Variants in IRS2 observed in about 807,000 individuals in gnomAD.
IRS2 encodes insulin receptor substrate 2.
A neutral mutation model predicts 70.9 loss-of-function variants in IRS2; 28 were observed. The observed-to-expected ratio is 0.39, with a 90% CI of 0.29 to 0.54. IRS2 has a LOEUF of 0.54. IRS2 is among the 20% of genes least tolerant of loss of function. The probability of loss-of-function intolerance (pLI) is 0.59; values close to 1 mark genes in which losing one functional copy is unlikely to be tolerated. For missense variants in IRS2, 2,081 were observed against 2,024.1 expected (o/e 1.03, Z -0.54); for synonymous variants, 1,217 against 981.9 (o/e 1.24, Z -4.48).
intron 1 of IRS2, among the ~76,000 whole-genome samples, chr13:109,764,963 T>C (rs570659940): frequency 8.5e-5 from 13 of 152,232 alleles, no homozygotes; most frequent in Non-Finnish European, 1.6e-4. Flanking sequence ...CCTAGCTGCT[T>C]TCTTCATGTC....
At chr13:109,761,604 G>A (rs1877228952) in intron 1 of IRS2, among the ~76,000 whole-genome samples, 3 of 150,340 alleles carry the variant, frequency 2.0e-5, no homozygotes, top group South Asian at 2.1e-4. Flanking sequence ...AAAAAAAAAG[G>A]TAAGGTTGGG....
In IRS2 at chr13:109,783,404, G is replaced by C. The variant is rs1264478078; in HGVS notation, c.2650C>G (p.Arg884Gly). Residue 884 changes from arginine (R) to glycine (G), a missense_variant, in exon 1 of 2, where the codon CGC becomes GGC. This residue lies in a region of IRS2 where 1,615 missense variants were observed against 1,459.5 expected (regional missense o/e 1.11). Transcript: ENST00000375856. ...CGCGTGGGCCTCACCGCCCGGCCGCGCTGGCCCAAGAAGCCCTCCGGGCGG... is the reference window on the plus strand; with the variant it reads ...CGCGTGGGCCTCACCGCCCGGCCGCCCTGGCCCAAGAAGCCCTCCGGGCGG... ...GGRPEGFLGQ[R>G]GRAVRPTRLS... 6.7e-7 allele frequency: 1 copy of C among 1,482,978 alleles called. No homozygotes were observed. Among genetic ancestry groups the C allele is most frequent in the Admixed American group, 2.5e-5 (1 of 40,062 alleles). 91.9% of individuals were successfully genotyped at this position (1,482,978 alleles called of 1,614,324 possible).
At position 109,754,468 on chromosome 13, in the gene IRS2, A is replaced by G. The variant is rs1877060542; in HGVS notation, c.*1836T>C. 4.9e-6 allele frequency: 1 copy of G among 204,724 alleles called. No homozygotes were observed. Among genetic ancestry groups the G allele is most frequent in the African/African-American group, 2.3e-5 (1 of 43,710 alleles). 12.7% of individuals were successfully genotyped at this position (204,724 alleles called of 1,614,324 possible). On this transcript the variant is annotated 3_prime_UTR_variant, in exon 2 of 2. Transcript: ENST00000375856. ...CCTATCGTACCTGGGGGGAGTTACA[A>G]AGCAAATACCACCCATTGATGCCTA...
Position 109,782,852 on chromosome 13 carries a change from C to T in IRS2, c.3202G>A (p.Asp1068Asn), listed in dbSNP as rs201255644. The T allele has an allele frequency of 1.3e-3, 2,003 of 1,581,296 alleles. 5 individuals carry two copies. The highest frequency in any genetic ancestry group is 2.8e-3 in the Middle Eastern group (17 of 6,002). ...AASSLSSDTG[D>N]NGDYTEMAFG... ...GCCATCTCGGTGTAGTCACCATTGT[C>T]CCCGGTGTCCGAGGACAACGATGAG... is the stretch of plus-strand genomic sequence containing the variant. Residue 1068 changes from aspartate (D) to asparagine (N), a missense_variant, in exon 1 of 2, where the codon GAC becomes AAC. Physicochemically the swap from Asp to Asn is conservative, Grantham distance 23 (BLOSUM62 1). This residue lies in a region of IRS2 where 1,615 missense variants were observed against 1,459.5 expected (regional missense o/e 1.11). Coordinates refer to ENST00000375856, the MANE Select transcript of IRS2 (RefSeq NM_003749.3).
chr13:109,784,776 T>C lies in IRS2; in HGVS notation c.1278A>G (p.Gln426=). Residue 426 remains glutamine (Q), a synonymous_variant, in exon 1 of 2, where the codon CAA becomes CAG. Coordinates refer to ENST00000375856, the MANE Select transcript of IRS2 (RefSeq NM_003749.3). This position sits in a 1 kb window ranked among gnomAD's most constrained non-coding sequence, Gnocchi z 5.2. ...CGGGCATGGACATGGAGCGGCTGTG[T>C]TGCAGCGCGCCCCCTGCCGGCAGCA... ...VALLPAGGAL[Q]HSRSMSMPVA... The C allele has an allele frequency of 8.0e-7, 1 of 1,257,090 alleles. No individual in the cohort carries two copies. The highest frequency in any genetic ancestry group is 1.0e-6 in the Non-Finnish European group (1 of 1,000,872). 77.9% of individuals were successfully genotyped at this position (1,257,090 alleles called of 1,614,324 possible). A position where few individuals can be genotyped will look rare whatever the true frequency, so the allele number is the denominator to read the frequency against.
In IRS2 at chr13:109,784,571, G is replaced by A; in HGVS notation, c.1483C>T (p.Pro495Ser). Reference sequence around the variant, plus strand: ...TACTCGTCCAGGGACATGAAGCCGGGGTCGCTGGGGGAGCCCGAGGCGGAG... The same window carrying A: ...TACTCGTCCAGGGACATGAAGCCGGAGTCGCTGGGGGAGCCCGAGGCGGAG... ...SASASGSPSDPGFMSLDEYGS... is the reference protein window; with the variant it reads ...SASASGSPSDSGFMSLDEYGS... The change falls in exon 1 of 2, where the codon CCC (proline) becomes TCC (serine). Residue 495 changes from proline (P) to serine (S), a missense_variant. Pro to Ser is a moderately conservative substitution (Grantham distance 74, BLOSUM62 -1). Around this residue, in one of 4 missense-constraint regions of IRS2, gnomAD observed 1,615 missense variants for 1,459.5 expected, o/e 1.11. Coordinates refer to ENST00000375856, the MANE Select transcript of IRS2 (RefSeq NM_003749.3). The surrounding 1 kb of genome is among the most constrained non-coding windows in gnomAD (Gnocchi z 5.2). 7.2e-7 allele frequency: 1 copy of A among 1,396,932 alleles called. No individual in the cohort carries two copies. The highest frequency in any genetic ancestry group is 9.2e-7 in the Non-Finnish European group (1 of 1,081,124). 86.5% of individuals were successfully genotyped at this position (1,396,932 alleles called of 1,614,324 possible).
In IRS2 at chr13:109,784,001, C is replaced by T. The variant is rs1373634609; in HGVS notation, c.2053G>A (p.Ala685Thr). ...CTGGGCTGCAAGATCTGCTTGGGGG[C>T]GGACACGCTGGCGGGGCTCATGGGC... ...YMPMSPASVS[A>T]PKQILQPRAA... The change falls in exon 1 of 2, where the codon GCC (alanine) becomes ACC (threonine). Residue 685 changes from alanine to threonine, a missense_variant. Physicochemically the swap from Ala to Thr is moderately conservative, Grantham distance 58. This residue lies in a region of IRS2 where 1,615 missense variants were observed against 1,459.5 expected (regional missense o/e 1.11). Coordinates refer to ENST00000375856, the MANE Select transcript of IRS2 (RefSeq NM_003749.3). The surrounding 1 kb of genome is among the most constrained non-coding windows in gnomAD (Gnocchi z 5.2). 2 of 1,533,474 alleles carry T rather than the reference C, an allele frequency of 1.3e-6. No individual in the cohort carries two copies. The highest frequency in any genetic ancestry group is 8.7e-7 in the Non-Finnish European group (1 of 1,144,502). The allele number at this position is 1,533,474 out of a possible 1,614,324, so 95.0% of individuals were successfully genotyped here.
In IRS2 at chr13:109,783,042, G is replaced by A. The variant is rs777732159; in HGVS notation, c.3012C>T (p.Gly1004=). Residue 1004 remains glycine, a synonymous_variant, in exon 1 of 2, where the codon GGC becomes GGT. Coordinates refer to ENST00000375856, the MANE Select transcript of IRS2 (RefSeq NM_003749.3). The stretch of plus-strand genomic sequence containing the variant: ...GGGAGGAGGCCTCGGGGGACAGGAG[G>A]CCGTCCAAGGAGCCCACGGGGTGGC... The part of the protein sequence containing the change: ...PSGHPVGSLD[G]LLSPEASSPY... 1.5e-6 allele frequency: 2 copies of A among 1,368,154 alleles called. No homozygotes were observed. The highest frequency in any genetic ancestry group is 9.4e-7 in the Non-Finnish European group (1 of 1,066,190). 84.8% of individuals were successfully genotyped at this position (1,368,154 alleles called of 1,614,324 possible). A position where few individuals can be genotyped will look rare whatever the true frequency, so the allele number is the denominator to read the frequency against.
At chr13:109,776,687 C>G (rs1877586374) in intron 1 of IRS2, among the ~76,000 whole-genome samples, 1 of 152,226 alleles carries the variant, frequency 6.6e-6, no homozygotes, top group Non-Finnish European at 1.5e-5. Context: ...ATGTAAGTCT[C>G]TGTAGCTATC....
intron 1 of IRS2, among the ~76,000 whole-genome samples, chr13:109,762,614 A>G (rs1436207619): frequency 6.6e-6 from 1 of 152,176 alleles, no homozygotes; most frequent in East Asian, 1.9e-4. Flanking sequence ...GCATGCTAGC[A>G]TGTCACAAGA....
At chr13:109,774,268 T>C (rs1877522112) in intron 1 of IRS2, among the ~76,000 whole-genome samples, 1 of 152,226 alleles carries the variant, frequency 6.6e-6, no homozygotes, top group Non-Finnish European at 1.5e-5. Context: ...CCAGGAAGCA[T>C]GACTGGAGTC....
intron 1 of IRS2, among the ~76,000 whole-genome samples, chr13:109,767,131 C>G (rs1877352855): frequency 1.3e-5 from 2 of 152,142 alleles, no homozygotes; most frequent in African/African-American, 4.8e-5. Context: ...CCCAACTTCT[C>G]CTGGAGGGTC....
intron 1 of IRS2, among the ~76,000 whole-genome samples, chr13:109,781,800 C>CA (rs1340999574): frequency 2.0e-5 from 3 of 151,946 alleles, no homozygotes; most frequent in East Asian, 1.9e-4. Flanking sequence ...GGTGGGGCCT[C>CA]AAAAAATCAG....
chr13:109,780,235 T>C (rs1004845138), intron 1 of IRS2, among the ~76,000 whole-genome samples: 1 of 152,252 alleles, frequency 6.6e-6, no homozygotes, highest in East Asian at 1.9e-4. Flanking sequence ...TACCCATTTG[T>C]GCAGACCATA....
rs531202775 is a variant in IRS2, at chr13:109,782,674, G to A, written c.3380C>T (p.Pro1127Leu). 17 of 1,573,494 alleles carry A rather than the reference G, an allele frequency of 1.1e-5. No homozygotes were observed. The highest frequency in any genetic ancestry group is 1.3e-5 in the African/African-American group (1 of 74,218). Residue 1127 changes from proline (P) to leucine (L), a missense_variant, in exon 1 of 2, where the codon CCG becomes CTG. This residue lies in a region of IRS2 where 1,615 missense variants were observed against 1,459.5 expected (regional missense o/e 1.11). Transcript: ENST00000375856. Reference sequence around the variant, plus strand: ...GACCTTGGCGCCGCGGTGGGGGTCCGGGGGCTGGCTGGCCTGCAGGAAGGC... The same window carrying A: ...GACCTTGGCGCCGCGGTGGGGGTCCAGGGGCTGGCTGGCCTGCAGGAAGGC... ...VEAFLQASQP[P>L]DPHRGAKVIR...
intron 1 of IRS2, among the ~76,000 whole-genome samples, chr13:109,775,799 C>CACACACACACA (rs1438631876): frequency 1.3e-5 from 2 of 148,786 alleles, no homozygotes; most frequent in South Asian, 2.1e-4. Flanking sequence ...CACACACACA[C>CACACACACACA]CAGCCCCAAA....
At chr13:109,761,532 T>C (rs1336378958) in intron 1 of IRS2, among the ~76,000 whole-genome samples, 1 of 136,060 alleles carries the variant, frequency 7.3e-6, no homozygotes, top group Non-Finnish European at 1.6e-5. Flanking sequence ...CTGAGAAAAA[T>C]AAACCCGATA....
intron 1 of IRS2, among the ~76,000 whole-genome samples, chr13:109,765,165 G>A (rs530426913): frequency 6.6e-6 from 1 of 152,236 alleles, no homozygotes; most frequent in African/African-American, 2.4e-5. Flanking sequence ...TATACAAAAA[G>A]GTGCCCTAAA....
In IRS2 at chr13:109,785,560, G is replaced by T; in HGVS notation, c.494C>A (p.Ala165Asp). Residue 165 changes from alanine to aspartate, a missense_variant, in exon 1 of 2, where the codon GCC becomes GAC. Ala to Asp is a moderately radical substitution (Grantham distance 126). Around this residue, in one of 4 missense-constraint regions of IRS2, gnomAD observed 320 missense variants for 352.9 expected, o/e 0.91. Transcript: ENST00000375856. The surrounding 1 kb of genome is among the most constrained non-coding windows in gnomAD (Gnocchi z 9.3). The part of the protein sequence containing the change: ...PAAAPAASCS[A>D]SLPGALGGSA... Reference sequence around the variant, plus strand: ...GCCGCCCAGGGCGCCGGGCAGGGAGGCGCTGCAGGACGCGGCGGGCGCGGC... The same window carrying T: ...GCCGCCCAGGGCGCCGGGCAGGGAGTCGCTGCAGGACGCGGCGGGCGCGGC... 7.0e-7 allele frequency: 1 copy of T among 1,436,142 alleles called. No individual in the cohort carries two copies. 89.0% of individuals were successfully genotyped at this position (1,436,142 alleles called of 1,614,324 possible).
Sources: allele counts gnomAD v4.1 joint callset (sites outside exome capture counted in the v4.1 genomes callset), GRCh38; gene constraint gnomAD v4.1.1; regional missense constraint gnomAD v4.1.1; non-coding constraint Gnocchi (gnomAD v3.1); transcripts MANE v1.5; gene names NCBI Gene and HGNC (gene_info 2026-07-23, HGNC 2026-07-21).